The following LSAMP variants were observed in gnomAD, a reference collection of about 807,000 sequenced individuals.
LSAMP encodes limbic system associated membrane protein.
LSAMP carries 7 observed loss-of-function variants against 38.6 expected under a neutral mutation model. The observed-to-expected ratio is 0.18, with a 90% confidence interval of 0.10 to 0.34. LSAMP has a LOEUF of 0.34. LSAMP is among the 10% of genes least tolerant of loss of function. The pLI, the probability that LSAMP is intolerant of heterozygous loss-of-function variation, is 1.00. For missense variants in LSAMP, 313 were observed against 420.0 expected (o/e 0.75, Z 2.23); for synonymous variants, 154 against 166.8 (o/e 0.92, Z 0.59).
intron 3 of LSAMP, among the ~76,000 whole-genome samples, chr3:115,952,014 G>A (rs983346603): frequency 6.6e-6 from 1 of 152,114 alleles, no homozygotes; most frequent in Non-Finnish European, 1.5e-5. Flanking sequence ...ACCATAGTGA[G>A]ATTACCACCT....
At chr3:115,908,946 TC>T in intron 3 of LSAMP, among the ~76,000 whole-genome samples, 1 of 152,180 alleles carries the variant, frequency 6.6e-6, no homozygotes. Context: ...AACCAAGTCA[TC>T]CTTGCTGTTT....
At chr3:116,205,928 A>G (rs2046061194) in intron 1 of LSAMP, among the ~76,000 whole-genome samples, 1 of 145,466 alleles carries the variant, frequency 6.9e-6, no homozygotes, top group Non-Finnish European at 1.5e-5. Flanking sequence ...AAAATGAGTT[A>G]GGGAGGATTC....
At chr3:116,217,047 C>T (rs2046228465) in intron 1 of LSAMP, among the ~76,000 whole-genome samples, 1 of 152,286 alleles carries the variant, frequency 6.6e-6, no homozygotes, top group Admixed American at 6.5e-5. Context: ...AATCGGGAAG[C>T]TTTCAAATGA....
At chr3:116,057,207 AC>A (rs1941505816) in intron 2 of LSAMP, among the ~76,000 whole-genome samples, 1 of 152,162 alleles carries the variant, frequency 6.6e-6, no homozygotes, top group African/African-American at 2.4e-5. Context: ...TGGCACATTT[AC>A]CAAAAAAGTA....
intron 1 of LSAMP, among the ~76,000 whole-genome samples, chr3:116,154,033 A>T (rs1709684218): frequency 6.6e-6 from 1 of 152,124 alleles, no homozygotes; most frequent in African/African-American, 2.4e-5. Context: ...ATAGTCTATG[A>T]CATAAGCAAC....
intron 3 of LSAMP, among the ~76,000 whole-genome samples, chr3:115,976,770 G>A (rs992706827): frequency 1.3e-5 from 2 of 152,052 alleles, no homozygotes; most frequent in Non-Finnish European, 2.9e-5. Context: ...AAAGGTGTGC[G>A]GCCCCTCCCT....
chr3:116,412,931 T>G (rs2048998858), intron 1 of LSAMP, among the ~76,000 whole-genome samples: 1 of 152,062 alleles, frequency 6.6e-6, no homozygotes, highest in Admixed American at 6.6e-5. Context: ...CACTAAATAC[T>G]CACTAAATCA....
intron 2 of LSAMP, among the ~76,000 whole-genome samples, chr3:116,052,469 A>G (rs1941414002): frequency 6.6e-6 from 1 of 152,210 alleles, no homozygotes; most frequent in Admixed American, 6.5e-5. Context: ...ACAATCGTAT[A>G]AAATTTATAT....
At chr3:116,339,624 C>T (rs1038535943) in intron 1 of LSAMP, among the ~76,000 whole-genome samples, 4 of 151,944 alleles carry the variant, frequency 2.6e-5, no homozygotes, top group Non-Finnish European at 5.9e-5. Flanking sequence ...GGAGGTGATA[C>T]TCGGTGATTT....
intron 1 of LSAMP, among the ~76,000 whole-genome samples, chr3:116,149,146 G>A (rs886575906): frequency 6.6e-6 from 1 of 151,936 alleles, no homozygotes; most frequent in Non-Finnish European, 1.5e-5. Flanking sequence ...GAATGGTGGT[G>A]AACAGTTCAC....
At chr3:115,916,051 T>G (rs1937244739) in intron 3 of LSAMP, among the ~76,000 whole-genome samples, 1 of 152,168 alleles carries the variant, frequency 6.6e-6, no homozygotes, top group African/African-American at 2.4e-5. Flanking sequence ...GAGATTTTTT[T>G]TTACTTTATA....
chr3:115,819,484 A>G (rs1934157076), intron 6 of LSAMP, among the ~76,000 whole-genome samples: 1 of 152,054 alleles, frequency 6.6e-6, no homozygotes, highest in Non-Finnish European at 1.5e-5. Context: ...GATCAGGGAA[A>G]GTCTAGCAAT....
At chr3:116,277,197 T>A (rs1559810009) in intron 1 of LSAMP, among the ~76,000 whole-genome samples, 1 of 152,220 alleles carries the variant, frequency 6.6e-6, no homozygotes, top group Non-Finnish European at 1.5e-5. Context: ...GGGAGTTTCA[T>A]GTGGTCAGCA....
At chr3:116,304,165 A>G (rs571140928) in intron 1 of LSAMP, among the ~76,000 whole-genome samples, 1 of 152,314 alleles carries the variant, frequency 6.6e-6, no homozygotes, top group South Asian at 2.1e-4. Context: ...TTGAGGACCA[A>G]TAAGTAAAAT....
At chr3:116,279,774 AATG>A (rs1170150577) in intron 1 of LSAMP, among the ~76,000 whole-genome samples, 1 of 152,174 alleles carries the variant, frequency 6.6e-6, no homozygotes, top group Non-Finnish European at 1.5e-5. Context: ...TGTCATTGAA[AATG>A]ATAAGCATTT....
chr3:116,209,507 G>A (rs1459335678), intron 1 of LSAMP, among the ~76,000 whole-genome samples: 1 of 152,092 alleles, frequency 6.6e-6, no homozygotes, highest in Non-Finnish European at 1.5e-5. Flanking sequence ...CAGTCTTTTT[G>A]AATATGCTGG....
intron 3 of LSAMP, among the ~76,000 whole-genome samples, chr3:115,982,931 CTTTT>C (rs11386123): frequency 2.2e-5 from 3 of 136,274 alleles, no homozygotes; most frequent in Admixed American, 1.5e-4. Context: ...CCTATGGAGA[CTTTT>C]TTTTTTTTTT....
At chr3:115,976,189 G>T (rs1348587589) in intron 3 of LSAMP, among the ~76,000 whole-genome samples, 1 of 152,146 alleles carries the variant, frequency 6.6e-6, no homozygotes, top group African/African-American at 2.4e-5. Context: ...AAAATTTTCA[G>T]TGGAGTATCA....
chr3:116,159,038 G>A (rs1261939608), intron 1 of LSAMP, among the ~76,000 whole-genome samples: 2 of 152,056 alleles, frequency 1.3e-5, no homozygotes, highest in Admixed American at 6.6e-5. Flanking sequence ...AAATGGGGCT[G>A]GTATGCAATA....
Sources: gnomAD v4.1 joint callset for allele counts (sites outside exome capture counted in the v4.1 genomes callset) on GRCh38, gnomAD v4.1.1 for gene constraint, MANE v1.5 for transcripts, NCBI Gene and HGNC (gene_info 2026-07-23, HGNC 2026-07-21) for gene names.